Variants in REM1 observed in about 807,000 individuals in gnomAD.
REM1 encodes the protein RRAD and GEM like GTPase 1.
A neutral mutation model predicts 27.0 loss-of-function variants in REM1; 20 were observed. The ratio of observed to expected loss-of-function variants is 0.74; its 90% CI spans 0.52 to 1.08. The LOEUF is 1.08. Among genes scored for constraint, REM1 ranks in the 50% least tolerant of loss-of-function variants. The probability of loss-of-function intolerance (pLI) is 0.00; values close to 1 mark genes in which losing one functional copy is unlikely to be tolerated. For synonymous variants in REM1, 159 were observed against 167.9 expected (o/e 0.95, Z 0.41); for missense variants, 405 against 407.0 (o/e 1.00, Z 0.04).
intron 2 of REM1, among the ~76,000 whole-genome samples, chr20:31,477,498 T>C (rs1193578930): frequency 6.6e-6 from 1 of 152,178 alleles, no homozygotes; most frequent in African/African-American, 2.4e-5. Context: ...ATAGGGAGAC[T>C]GAGGTCAAGA....
At chr20:31,479,034 C>T (rs1980627556) in intron 3 of REM1, among the ~76,000 whole-genome samples, 1 of 152,090 alleles carries the variant, frequency 6.6e-6, no homozygotes, top group Admixed American at 6.5e-5. Flanking sequence ...AGGGTTTCAT[C>T]ATGTTGGTCA....
chr20:31,478,598 T>C (rs1359843447), intron 3 of REM1, among the ~76,000 whole-genome samples: 1 of 152,184 alleles, frequency 6.6e-6, no homozygotes, highest in African/African-American at 2.4e-5. Context: ...TACATGCTCA[T>C]TGTAGAACTC....
rs1343506415 is a variant in REM1, at chr20:31,484,605, G to A, written c.*175G>A. The A allele has an allele frequency of 6.1e-6, 5 of 815,006 alleles. No individual in the cohort carries two copies. Among genetic ancestry groups the A allele is most frequent in the Admixed American group, 3.9e-5 (1 of 25,814 alleles). 50.5% of individuals were successfully genotyped at this position (815,006 alleles called of 1,614,324 possible). A position where few individuals can be genotyped will look rare whatever the true frequency, so the allele number is the denominator to read the frequency against. ...CAAGCCTGGGGGATCCCGGGAAAGC[G>A]ATGGACAGACAGACGATGGGGCCGA... On this transcript the variant is annotated 3_prime_UTR_variant, in exon 5 of 5. Coordinates refer to ENST00000201979, the MANE Select transcript of REM1 (RefSeq NM_014012.6).
rs554569765 is a variant in REM1 at position 31,484,218 on chromosome 20, C to T, written c.685C>T (p.Gln229Ter). 1.9e-6 allele frequency: 3 copies of T among 1,609,964 alleles called. No individual in the cohort carries two copies. Among genetic ancestry groups the T allele is most frequent in the East Asian group, 4.5e-5 (2 of 44,800 alleles). The change falls in exon 5 of 5, where the codon CAG becomes TAG. Residue 229 changes from glutamine to a stop codon, truncating the protein, a stop_gained. Coordinates refer to ENST00000201979, the MANE Select transcript of REM1 (RefSeq NM_014012.6). LOFTEE classifies it high-confidence loss of function. ...ATTCATCGAGACATCCGCCACGCTGCAGCACAATGTGGCCGAGCTCTTCGA... is the reference window on the plus strand; with the variant it reads ...ATTCATCGAGACATCCGCCACGCTGTAGCACAATGTGGCCGAGCTCTTCGA... ...CKFIETSATL[Q>*]HNVAELFEGV...
In REM1 at chr20:31,484,186, A is replaced by C; in HGVS notation, c.653A>C (p.Asp218Ala). 1.9e-6 allele frequency: 3 copies of C among 1,605,562 alleles called. No individual in the cohort carries two copies. The highest frequency in any genetic ancestry group is 2.6e-6 in the Non-Finnish European group (3 of 1,175,836). The change falls in exon 5 of 5, where the codon GAC becomes GCC. Residue 218 changes from aspartate (D) to alanine (A), a missense_variant. Transcript: ENST00000201979. ...GGCCGCGCCTGCGCTGTGGTGTTCGACTGTAAATTCATCGAGACATCCGCC... is the reference window on the plus strand; with the variant it reads ...GGCCGCGCCTGCGCTGTGGTGTTCGCCTGTAAATTCATCGAGACATCCGCC... ...EEGRACAVVF[D>A]CKFIETSATL...
rs1980858884 is a variant in REM1, at chr20:31,484,520, G to T, written c.*90G>T. 4.3e-6 allele frequency: 6 copies of T among 1,392,106 alleles called. No homozygotes were observed. The highest frequency in any genetic ancestry group is 2.8e-6 in the Non-Finnish European group (3 of 1,062,578). 86.2% of individuals were successfully genotyped at this position (1,392,106 alleles called of 1,614,324 possible). A position where few individuals can be genotyped will look rare whatever the true frequency, so the allele number is the denominator to read the frequency against. On this transcript the variant is annotated 3_prime_UTR_variant, in exon 5 of 5. Transcript: ENST00000201979. Reference sequence around the variant, plus strand: ...TGCGGGGCAAAGGCGCCGTTACCTGGAGTCTGCATCATGGGTCTTGCTTGC... The same window carrying T: ...TGCGGGGCAAAGGCGCCGTTACCTGTAGTCTGCATCATGGGTCTTGCTTGC...
At chr20:31,478,938 A>C (rs1266422208) in intron 3 of REM1, among the ~76,000 whole-genome samples, 1 of 151,634 alleles carries the variant, frequency 6.6e-6, no homozygotes, top group African/African-American at 2.4e-5. Flanking sequence ...AGGTTCAAGC[A>C]ATTCTCCTGC....
rs753414855 is a variant in REM1, at chr20:31,476,797, A to ATGGGC, written c.340+22_340+26dup. The ATGGGC allele has an allele frequency of 6.3e-7, 1 of 1,593,866 alleles. No homozygotes were observed. The highest frequency in any genetic ancestry group is 8.5e-7 in the Non-Finnish European group (1 of 1,170,442). On this transcript the variant is annotated intron_variant, in intron 2 of 4. Coordinates refer to ENST00000201979, the MANE Select transcript of REM1 (RefSeq NM_014012.6). Reference sequence around the variant, plus strand: ...TGAACAGCTGGGAGGTAGGGGCCATATGGGCTGGGCTGGGATGTGGCCAAA... The same window carrying ATGGGC: ...TGAACAGCTGGGAGGTAGGGGCCATATGGGCTGGGCTGGGCTGGGATGTGGCCAAA...
chr20:31,477,852 C>A lies in REM1; in HGVS notation c.365C>A (p.Thr122Lys). Residue 122 changes from threonine (T) to lysine (K), a missense_variant, in exon 3 of 5, where the codon ACG (threonine) becomes AAG (lysine). By Grantham distance (78) the Thr-to-Lys change is moderately conservative. Coordinates refer to ENST00000201979, the MANE Select transcript of REM1 (RefSeq NM_014012.6). ...GAAGATGTATATGAGAGGACCCTCA[C>A]GGTGGATGGAGAAGACACCACACTG... The part of the protein sequence containing the change: ...LGEDVYERTL[T>K]VDGEDTTLVV... 1 of 1,613,070 alleles carries A rather than the reference C, an allele frequency of 6.2e-7. No individual in the cohort carries two copies. Among genetic ancestry groups the A allele is most frequent in the Non-Finnish European group, 8.5e-7 (1 of 1,179,760 alleles).
At position 31,484,299 on chromosome 20, in the gene REM1, C is replaced by G; in HGVS notation, c.766C>G (p.Pro256Ala). 1.9e-6 allele frequency: 3 copies of G among 1,585,856 alleles called. No individual in the cohort carries two copies. The highest frequency in any genetic ancestry group is 2.6e-6 in the Non-Finnish European group (3 of 1,167,112). The change falls in exon 5 of 5, where the codon CCA (proline) becomes GCA (alanine). Residue 256 changes from proline to alanine, a missense_variant. Coordinates refer to ENST00000201979, the MANE Select transcript of REM1 (RefSeq NM_014012.6). Reference protein sequence around the residue: ...RRRDSAAKEPPAPRRPASLAQ... With the variant: ...RRRDSAAKEPAAPRRPASLAQ... ...CCGGGACAGTGCGGCCAAGGAACCC[C>G]CAGCACCCCGACGGCCGGCCAGCCT...
intron 4 of REM1, 80 bp from the exon 5 acceptor site, chr20:31,484,079 G>C: frequency 7.0e-7 from 1 of 1,434,990 alleles, no homozygotes; most frequent in Non-Finnish European, 9.2e-7. Flanking sequence ...TTCCAATCGA[G>C]ACTAAACACA....
In REM1 at chr20:31,477,852, C is replaced by T. The variant is rs749761528; in HGVS notation, c.365C>T (p.Thr122Met). 34 of 1,612,952 alleles carry T rather than the reference C, an allele frequency of 2.1e-5. 1 individual carries two copies. Among genetic ancestry groups the T allele is most frequent in the East Asian group, 6.7e-5 (3 of 44,886 alleles). ...LGEDVYERTL[T>M]VDGEDTTLVV... ...GAAGATGTATATGAGAGGACCCTCA[C>T]GGTGGATGGAGAAGACACCACACTG... is the stretch of plus-strand genomic sequence containing the variant. The change falls in exon 3 of 5, where the codon ACG becomes ATG. Residue 122 changes from threonine (T) to methionine (M), a missense_variant. By Grantham distance (81) the Thr-to-Met change is moderately conservative (BLOSUM62 -1). Coordinates refer to ENST00000201979, the MANE Select transcript of REM1 (RefSeq NM_014012.6).
At chr20:31,480,918 A>G (rs1202450469) in intron 3 of REM1, among the ~76,000 whole-genome samples, 2 of 152,132 alleles carry the variant, frequency 1.3e-5, no homozygotes, top group African/African-American at 2.4e-5. Flanking sequence ...TGACAATGAC[A>G]TTGACCACGA....
rs1010829198 is a variant in REM1 at position 31,481,415 on chromosome 20, A to G, written c.424-872A>G. Among the ~76,000 whole-genome samples the G allele has an allele frequency of 2.0e-4, 30 of 151,704 alleles. 1 individual carries two copies. The highest frequency in any genetic ancestry group is 7.0e-4 in the African/African-American group (29 of 41,334). On this transcript the variant is annotated intron_variant, in intron 3 of 4. Transcript: ENST00000201979. Reference sequence around the variant, plus strand: ...CCTGCTTGGCCTCCCCCTCCTTCCTAACCCCATTCGCCAGTCCCCTGTGAA... The same window carrying G: ...CCTGCTTGGCCTCCCCCTCCTTCCTGACCCCATTCGCCAGTCCCCTGTGAA...
At chr20:31,481,821 T>G (rs1434140379) in intron 3 of REM1, among the ~76,000 whole-genome samples, 1 of 152,188 alleles carries the variant, frequency 6.6e-6, no homozygotes, top group Non-Finnish European at 1.5e-5. Context: ...TTCAAAACTG[T>G]CCTGAAAAAT....
intron 3 of REM1, among the ~76,000 whole-genome samples, chr20:31,481,030 TGG>T (rs1163065557): frequency 1.3e-5 from 2 of 152,128 alleles, no homozygotes; most frequent in African/African-American, 4.8e-5. Context: ...CCCAGCACTT[TGG>T]GAGGCCGAGG....
At chr20:31,476,858 C>T in intron 2 of REM1, 73 bp downstream of exon 2, 1 of 1,269,678 alleles carries the variant, frequency 7.9e-7, no homozygotes, top group Non-Finnish European at 1.1e-6. Flanking sequence ...CACAGGGCTG[C>T]CAAGAACAGT....
intron 4 of REM1, among the ~76,000 whole-genome samples, chr20:31,482,775 A>G (rs964257734): frequency 1.3e-5 from 2 of 152,012 alleles, no homozygotes; most frequent in Admixed American, 6.6e-5. Context: ...CTGCTTCTCA[A>G]TTATTCCTCC....
rs1004200559 is a variant in REM1, at chr20:31,484,403, G to T, written c.870G>T (p.Lys290Asn). 1.0e-5 allele frequency: 16 copies of T among 1,537,510 alleles called. No individual in the cohort carries two copies. Among genetic ancestry groups the T allele is most frequent in the Non-Finnish European group, 1.4e-5 (16 of 1,143,906 alleles). Residue 290 changes from lysine to asparagine, a missense_variant, in exon 5 of 5, where the codon AAG becomes AAT. Coordinates refer to ENST00000201979, the MANE Select transcript of REM1 (RefSeq NM_014012.6). Reference protein sequence around the residue: ...ARRRALKARSKSCHNLAVL With the variant: ...ARRRALKARSNSCHNLAVL ...GCCGGGCACTCAAGGCCCGCTCCAA[G>T]TCCTGCCACAATCTGGCCGTGCTCT...
Sources: allele counts gnomAD v4.1 joint callset (sites outside exome capture counted in the v4.1 genomes callset), GRCh38; gene constraint gnomAD v4.1.1; transcripts MANE v1.5; gene names NCBI Gene and HGNC (gene_info 2026-07-23, HGNC 2026-07-21).